Variants in GPBP1 observed in about 807,000 individuals in gnomAD.
GPBP1 encodes vasculin.
In GPBP1, 13 loss-of-function variants were observed where a neutral mutation model predicts 56.5. The observed-to-expected ratio is 0.23, with a 90% CI of 0.15 to 0.37. GPBP1 has a LOEUF of 0.37. Among genes scored for constraint, GPBP1 ranks in the 10% least tolerant of loss-of-function variants. GPBP1 has a pLI of 1.00. For synonymous variants in GPBP1, 204 were observed against 188.9 expected (o/e 1.08, Z -0.66); for missense variants, 477 against 572.3 (o/e 0.83, Z 1.70).
intron 3 of GPBP1, among the ~76,000 whole-genome samples, chr5:57,222,388 C>T (rs1236484998): frequency 6.6e-6 from 1 of 152,170 alleles, no homozygotes; most frequent in Admixed American, 6.6e-5. Flanking sequence ...CTTTAAAATT[C>T]ATCAGTTTAA....
At chr5:57,177,867 G>A (rs1295892892) in intron 2 of GPBP1, among the ~76,000 whole-genome samples, 1 of 151,730 alleles carries the variant, frequency 6.6e-6, no homozygotes, top group Non-Finnish European at 1.5e-5. Flanking sequence ...TGCTTATTTT[G>A]AACCAATTTT....
chr5:57,213,224 T>G (rs1755565477), intron 2 of GPBP1, among the ~76,000 whole-genome samples: 1 of 151,984 alleles, frequency 6.6e-6, no homozygotes, highest in Admixed American at 6.6e-5. Context: ...AGCTAATTTT[T>G]TATTTTAGTA....
intron 6 of GPBP1, chr5:57,245,963 G>A (rs1385125803): frequency 1.2e-5 from 2 of 172,234 alleles, no homozygotes; most frequent in African/African-American, 4.7e-5. Context: ...TAAATCTTAA[G>A]AGTCATTAGG....
chr5:57,175,337 G>A (rs1229971983), intron 1 of GPBP1, 111 bp from the exon 2 acceptor site: 4 of 386,406 alleles, frequency 1.0e-5, no homozygotes, highest in Admixed American at 4.5e-5. Flanking sequence ...GGCTCCTGTA[G>A]GGTTATATAG....
At chr5:57,257,393 C>T (rs1314440677) in intron 10 of GPBP1, among the ~76,000 whole-genome samples, 1 of 152,088 alleles carries the variant, frequency 6.6e-6, no homozygotes, top group Non-Finnish European at 1.5e-5. Flanking sequence ...ATATTCAATA[C>T]TAAGGCACAT....
intron 2 of GPBP1, among the ~76,000 whole-genome samples, chr5:57,181,620 G>C (rs1754054477): frequency 1.3e-5 from 2 of 151,534 alleles, no homozygotes; most frequent in South Asian, 4.2e-4. Flanking sequence ...GGCGGTGCGG[G>C]GGCAGGGAAT....
At chr5:57,251,216 T>A (rs2111944231) in intron 10 of GPBP1, 75 bp downstream of exon 10, 1 of 1,267,560 alleles carries the variant, frequency 7.9e-7, no homozygotes, top group Non-Finnish European at 1.1e-6. Flanking sequence ...TTTTACGTGA[T>A]TTAACAGGTT....
At chr5:57,256,754 CTG>C (rs1392744080) in intron 10 of GPBP1, among the ~76,000 whole-genome samples, 1 of 152,222 alleles carries the variant, frequency 6.6e-6, no homozygotes, top group East Asian at 1.9e-4. Context: ...TGATATGAAA[CTG>C]TTTTTATTTA....
chr5:57,202,096 T>G (rs1193985288), intron 2 of GPBP1, among the ~76,000 whole-genome samples: 1 of 152,150 alleles, frequency 6.6e-6, no homozygotes, highest in Non-Finnish European at 1.5e-5. Flanking sequence ...CAGGTTCAGG[T>G]GATCCTCCCA....
intron 2 of GPBP1, among the ~76,000 whole-genome samples, chr5:57,178,044 A>G (rs761498019): frequency 6.6e-6 from 1 of 152,098 alleles, no homozygotes; most frequent in African/African-American, 2.4e-5. Context: ...TGTGTGTAGT[A>G]ATTCTAATTG....
chr5:57,237,034 TCAGA>T, intron 6 of GPBP1: 1 of 750,244 alleles, frequency 1.3e-6, no homozygotes, highest in Non-Finnish European at 2.1e-6. Context: ...GTGGGGGTGG[TCAGA>T]CACTTTTGTT....
chr5:57,188,953 A>G (rs1269874961), intron 2 of GPBP1, among the ~76,000 whole-genome samples: 1 of 151,956 alleles, frequency 6.6e-6, no homozygotes, highest in Non-Finnish European at 1.5e-5. Flanking sequence ...TTAATATCCC[A>G]CTGCTACTAG....
At chr5:57,253,569 C>G (rs1349748243) in intron 10 of GPBP1, among the ~76,000 whole-genome samples, 1 of 152,216 alleles carries the variant, frequency 6.6e-6, no homozygotes, top group Non-Finnish European at 1.5e-5. Flanking sequence ...TTCACTATAT[C>G]TAGCACCTAG....
chr5:57,218,117 C>A (rs891327559), intron 3 of GPBP1, among the ~76,000 whole-genome samples: 1 of 152,028 alleles, frequency 6.6e-6, no homozygotes, highest in Admixed American at 6.6e-5. Flanking sequence ...CAACACAGAA[C>A]ACTTCTATAA....
rs1350402806 is a variant in GPBP1 at position 57,264,425 on chromosome 5, A to G, written c.*1673A>G. Reference sequence around the variant, plus strand: ...AATAGATTAATGAAATTTATCAGATACAACCTGTATTTCCAAAAACAAGCT... The same window carrying G: ...AATAGATTAATGAAATTTATCAGATGCAACCTGTATTTCCAAAAACAAGCT... On this transcript the variant is annotated 3_prime_UTR_variant, in exon 12 of 12. Transcript: ENST00000506184. 1 of 152,170 alleles carries G rather than the reference A, an allele frequency of 6.6e-6. No homozygotes were observed. Among genetic ancestry groups the G allele is most frequent in the African/African-American group, 2.4e-5 (1 of 41,464 alleles). 9.4% of individuals were successfully genotyped at this position (152,170 alleles called of 1,614,324 possible).
intron 2 of GPBP1, among the ~76,000 whole-genome samples, chr5:57,208,881 T>A (rs1580007568): frequency 6.6e-6 from 1 of 151,796 alleles, no homozygotes; most frequent in East Asian, 2.0e-4. Context: ...TCTCAAACTC[T>A]TGACCTCATG....
chr5:57,215,533 T>C (rs369376145), intron 3 of GPBP1, among the ~76,000 whole-genome samples: 1 of 150,882 alleles, frequency 6.6e-6, no homozygotes, highest in Admixed American at 6.6e-5. Context: ...TTATGGCAGG[T>C]GTAGTTTTGA....
chr5:57,259,731 A>G (rs1252325578), intron 10 of GPBP1, among the ~76,000 whole-genome samples: 1 of 152,078 alleles, frequency 6.6e-6, no homozygotes, highest in African/African-American at 2.4e-5. Flanking sequence ...GATGAGAGGA[A>G]TGAGCAGGAG....
At chr5:57,196,459 G>A (rs1754752800) in intron 2 of GPBP1, among the ~76,000 whole-genome samples, 1 of 152,274 alleles carries the variant, frequency 6.6e-6, no homozygotes, top group South Asian at 2.1e-4. Flanking sequence ...TTACCTTAGT[G>A]CACCTTTGTT....
Sources: gnomAD v4.1 joint callset for allele counts (sites outside exome capture counted in the v4.1 genomes callset) on GRCh38, gnomAD v4.1.1 for gene constraint, MANE v1.5 for transcripts, NCBI Gene and HGNC (gene_info 2026-07-23, HGNC 2026-07-21) for gene names.